PNPLA8: variants seen among roughly 807,000 people sequenced by gnomAD.
PNPLA8 encodes calcium-independent phospholipase A2-gamma.
In PNPLA8, 39 loss-of-function variants were observed where a neutral mutation model predicts 76.9. The observed-to-expected ratio is 0.51, with a 90% CI of 0.39 to 0.66. PNPLA8 has a LOEUF of 0.66. PNPLA8 is among the 30% of genes least tolerant of loss of function. The pLI is 0.00. For synonymous variants in PNPLA8, 301 were observed against 307.9 expected, an observed-to-expected ratio of 0.98 and a Z score of 0.24; for missense variants, 887 against 918.0, an observed-to-expected ratio of 0.97 and a Z score of 0.44.
chr7:108,495,780 A>G (rs1861502384), intron 7 of PNPLA8, among the ~76,000 whole-genome samples: 1 of 152,230 alleles, frequency 6.6e-6, no homozygotes, highest in African/African-American at 2.4e-5. Context: ...TGATTAAGAA[A>G]GTGTAACATC....
At chr7:108,474,188 C>G (rs576859290) in intron 10 of PNPLA8, among the ~76,000 whole-genome samples, 27 of 152,254 alleles carry the variant, frequency 1.8e-4, no homozygotes, top group African/African-American at 6.3e-4. Context: ...TTATCTCTTT[C>G]TTTCCTTTCT....
chr7:108,476,942 TA>T (rs200260076), intron 10 of PNPLA8, among the ~76,000 whole-genome samples: 4 of 151,796 alleles, frequency 2.6e-5, no homozygotes, highest in Non-Finnish European at 4.4e-5. Flanking sequence ...ATAGTTGAAC[TA>T]AAAAAAACAG....
In PNPLA8 at chr7:108,514,893, A is replaced by T; in HGVS notation, c.599T>A (p.Phe200Tyr). The change falls in exon 3 of 11, where the codon TTT becomes TAT. Residue 200 changes from phenylalanine (F) to tyrosine (Y), a missense_variant. Transcript: ENST00000257694. ...FHYTSSITTKFGDSFYFLSNH... is the reference protein window; with the variant it reads ...FHYTSSITTKYGDSFYFLSNH... ...TGATAAAAAGTAGAATGAGTCTCCA[A>T]ATTTTGTGGTTATAGAACTTGTGTA... The T allele has an allele frequency of 6.2e-7, 1 of 1,609,016 alleles. No homozygotes were observed. The highest frequency in any genetic ancestry group is 1.1e-5 in the South Asian group (1 of 90,530).
chr7:108,477,188 A>G (rs1241986812), intron 10 of PNPLA8, among the ~76,000 whole-genome samples: 1 of 152,260 alleles, frequency 6.6e-6, no homozygotes, highest in African/African-American at 2.4e-5. Flanking sequence ...AGATATGCTT[A>G]TTAGCTGGAT....
intron 1 of PNPLA8, among the ~76,000 whole-genome samples, chr7:108,523,981 G>A (rs183216378): frequency 6.6e-6 from 1 of 152,308 alleles, no homozygotes; most frequent in African/African-American, 2.4e-5. Flanking sequence ...TGCCATTTGC[G>A]AATATGAGAA....
chr7:108,525,735 G>A (rs969044364), intron 1 of PNPLA8, among the ~76,000 whole-genome samples: 2 of 152,222 alleles, frequency 1.3e-5, no homozygotes, highest in African/African-American at 4.8e-5. Flanking sequence ...AAATTGAGGA[G>A]GGAGTCGTGG....
chr7:108,476,804 C>T (rs1860027787), intron 10 of PNPLA8, among the ~76,000 whole-genome samples: 1 of 152,088 alleles, frequency 6.6e-6, no homozygotes, highest in African/African-American at 2.4e-5. Context: ...CCTATTCTGC[C>T]TTAAAAAAGA....
At chr7:108,474,496 G>A (rs1160999191) in intron 10 of PNPLA8, among the ~76,000 whole-genome samples, 1 of 152,172 alleles carries the variant, frequency 6.6e-6, no homozygotes, top group Admixed American at 6.5e-5. Context: ...GCTATAGAAA[G>A]CTACTAGAAT....
intron 8 of PNPLA8, among the ~76,000 whole-genome samples, chr7:108,489,902 G>A (rs1213092219): frequency 6.6e-6 from 1 of 152,136 alleles, no homozygotes; most frequent in Non-Finnish European, 1.5e-5. Context: ...TAAATGAAGA[G>A]CCACATTGAG....
chr7:108,494,076 A>G (rs574643045), intron 7 of PNPLA8, among the ~76,000 whole-genome samples: 2 of 152,302 alleles, frequency 1.3e-5, no homozygotes, highest in East Asian at 1.9e-4. Context: ...ATTAAAAAAA[A>G]GCTTGATTCT....
chr7:108,508,710 A>G (rs1174365573), intron 4 of PNPLA8, among the ~76,000 whole-genome samples: 3 of 151,570 alleles, frequency 2.0e-5, no homozygotes, highest in Non-Finnish European at 4.4e-5. Flanking sequence ...AAGAGCCCAC[A>G]TTGCCAAGTC....
Position 108,507,512 on chromosome 7 carries a change from G to T in PNPLA8, c.1207-4870C>A, listed in dbSNP as rs182084619. Among the ~76,000 whole-genome samples the T allele has an allele frequency of 3.4e-4, 51 of 152,018 alleles. No homozygotes were observed. In the East Asian group the frequency reaches 9.3e-3, roughly 28 times the overall value. ...CCACAAAAAATACAAAAATTAGTTG[G>T]GTGTGGTTGTGCATGCCTGTGGTCC... is the stretch of plus-strand genomic sequence containing the variant. On this transcript the variant is annotated intron_variant, in intron 4 of 10. Transcript: ENST00000257694.
chr7:108,519,295 G>A (rs1863576618), intron 2 of PNPLA8, among the ~76,000 whole-genome samples: 1 of 152,096 alleles, frequency 6.6e-6, no homozygotes, highest in Non-Finnish European at 1.5e-5. Flanking sequence ...AGCTACTCAG[G>A]AGGCTGAGGT....
At chr7:108,487,672 T>A (rs953696874) in intron 9 of PNPLA8, 87 bp downstream of exon 9, 4 of 718,344 alleles carry the variant, frequency 5.6e-6, no homozygotes, top group Non-Finnish European at 2.2e-6. Flanking sequence ...CCTAGGTTGA[T>A]CCTTCTGAAG....
intron 2 of PNPLA8, among the ~76,000 whole-genome samples, chr7:108,519,547 T>A (rs1296182326): frequency 6.6e-6 from 1 of 152,160 alleles, no homozygotes; most frequent in Non-Finnish European, 1.5e-5. Context: ...GTCCAGAAGA[T>A]AACAGCCTGA....
At chr7:108,491,657 C>G (rs138991841) in intron 7 of PNPLA8, among the ~76,000 whole-genome samples, 190 bp from the exon 8 acceptor site, 1 of 152,322 alleles carries the variant, frequency 6.6e-6, no homozygotes, top group Non-Finnish European at 1.5e-5. Flanking sequence ...AGTTATTTAT[C>G]AACCTCTGAT....
chr7:108,518,774 CAT>C (rs869066263), intron 2 of PNPLA8, among the ~76,000 whole-genome samples: 10 of 111,998 alleles, frequency 8.9e-5, no homozygotes, highest in Admixed American at 1.7e-4. Context: ...CACACACACA[CAT>C]ATATTAAGAA....
At position 108,492,112 on chromosome 7, in the gene PNPLA8, T is replaced by C. The variant is rs147600356; in HGVS notation, c.1626-645A>G. Among the ~76,000 whole-genome samples, 255 of 152,366 alleles carry C rather than the reference T, an allele frequency of 1.7e-3. 2 individuals are homozygous for C. Among genetic ancestry groups the C allele is most frequent in the African/African-American group, 5.7e-3 (238 of 41,582 alleles). ...CAGACTTTTCCAGACTTAAAAATTA[T>C]GTATTTTCCCTATATTGAATACAAA... is the stretch of plus-strand genomic sequence containing the variant. On this transcript the variant is annotated intron_variant, in intron 7 of 10. Transcript: ENST00000257694.
At chr7:108,510,323 C>A (rs144474875) in intron 4 of PNPLA8, 158,408 of 1,583,078 alleles carry the variant, frequency 0.1, 8,370 homozygotes, top group Non-Finnish European at 0.1. Context: ...GAAGATGAAG[C>A]GCCTGAGAAA....
Sources: allele counts gnomAD v4.1 joint callset (sites outside exome capture counted in the v4.1 genomes callset), GRCh38; gene constraint gnomAD v4.1.1; transcripts MANE v1.5; gene names NCBI Gene and HGNC (gene_info 2026-07-23, HGNC 2026-07-21).